Variants in RIMKLA observed in about 807,000 individuals in gnomAD.
RIMKLA encodes the protein N-acetylaspartylglutamate synthase A.
Under a neutral mutation model 32.7 loss-of-function variants are expected in RIMKLA, and 14 were observed. The ratio of observed to expected loss-of-function variants is 0.43; its 90% CI spans 0.28 to 0.67. The LOEUF is 0.67. Among genes scored for constraint, RIMKLA ranks in the 30% least tolerant of loss-of-function variants. The probability of loss-of-function intolerance (pLI) is 0.18; values close to 1 mark genes in which losing one functional copy is unlikely to be tolerated. For synonymous variants in RIMKLA, 176 were observed against 204.1 expected, an observed-to-expected ratio of 0.86 and a Z score of 1.18; for missense variants, 410 against 519.0, an observed-to-expected ratio of 0.79 and a Z score of 2.04.
Position 42,420,367 on chromosome 1 carries a change from T to A in RIMKLA, c.*5393T>A, listed in dbSNP as rs1643285201. 1.3e-5 allele frequency: 2 copies of A among 152,216 alleles called. No individual in the cohort carries two copies. The highest frequency in any genetic ancestry group is 2.9e-5 in the Non-Finnish European group (2 of 68,046). The allele number at this position is 152,216 out of a possible 1,614,324, so 9.4% of individuals were successfully genotyped here. A position where few individuals can be genotyped will look rare whatever the true frequency, so the allele number is the denominator to read the frequency against. On this transcript the variant is annotated 3_prime_UTR_variant, in exon 5 of 5. Coordinates refer to ENST00000431473, the MANE Select transcript of RIMKLA (RefSeq NM_173642.4). ...CAGTGACGTGGGAAGGAATGGCAGA[T>A]GCTACAACAGTGCAGACTCGGCACC...
At chr1:42,413,436 G>A (rs1449462200) in intron 4 of RIMKLA, among the ~76,000 whole-genome samples, 5 of 150,382 alleles carry the variant, frequency 3.3e-5, no homozygotes, top group African/African-American at 4.9e-5. Flanking sequence ...TCCAGGAGGC[G>A]GAGGTTGCAG....
At chr1:42,406,755 T>C (rs56784291) in intron 3 of RIMKLA, among the ~76,000 whole-genome samples, 27,008 of 152,136 alleles carry the variant, frequency 0.18, 2,500 homozygotes, top group East Asian at 0.22. Context: ...ATTGTGGTTT[T>C]GATTTGCATT....
chr1:42,422,271 T>G lies in RIMKLA; in HGVS notation c.*7297T>G, dbSNP rs1444129535. On this transcript the variant is annotated 3_prime_UTR_variant, in exon 5 of 5. Transcript: ENST00000431473. ...CTCTGCTTGTTCTGTCTAACTTCTG[T>G]GATTTCAACACTTGAGAAAGATGTT... 2.0e-5 allele frequency: 3 copies of G among 152,250 alleles called. No homozygotes were observed. The highest frequency in any genetic ancestry group is 7.2e-5 in the African/African-American group (3 of 41,470). 9.4% of individuals were successfully genotyped at this position (152,250 alleles called of 1,614,324 possible).
In RIMKLA at chr1:42,416,194, C is replaced by T. The variant is rs1643247336; in HGVS notation, c.*1220C>T. 6.6e-6 allele frequency: 1 copy of T among 151,378 alleles called. No individual in the cohort carries two copies. The allele number at this position is 151,378 out of a possible 1,614,324, so 9.4% of individuals were successfully genotyped here. ...GAGAAATCACAGAGATGGAGTTTTC[C>T]ATTTCTGCTTATACGAAATATGACT... On this transcript the variant is annotated 3_prime_UTR_variant, in exon 5 of 5. Transcript: ENST00000431473.
chr1:42,408,672 C>T (rs537714793), intron 3 of RIMKLA, among the ~76,000 whole-genome samples: 2 of 152,216 alleles, frequency 1.3e-5, no homozygotes, highest in Admixed American at 1.3e-4. Flanking sequence ...CTGCCCGCCT[C>T]AGCCTCCCAA....
intron 2 of RIMKLA, among the ~76,000 whole-genome samples, chr1:42,404,020 GTC>G (rs1371243145): frequency 2.0e-5 from 3 of 152,106 alleles, no homozygotes; most frequent in African/African-American, 4.8e-5. Context: ...CAGCAGAAGA[GTC>G]TCTCTGATGT....
chr1:42,399,825 A>T lies in RIMKLA; in HGVS notation c.394+191A>T, dbSNP rs150449131. ...TTCCCTTCTGTAAGTTATTCATTAA[A>T]TACATATCTGGTACACACTGTGTGC... On this transcript the variant is annotated intron_variant, in intron 2 of 4. Transcript: ENST00000431473. Among the ~76,000 whole-genome samples, 732 of 152,304 alleles carry T rather than the reference A, an allele frequency of 4.8e-3. 2 individuals are homozygous for T. Among genetic ancestry groups the T allele is most frequent in the African/African-American group, 0.016 (658 of 41,562 alleles).
At chr1:42,411,168 A>G (rs1362417550) in intron 4 of RIMKLA, among the ~76,000 whole-genome samples, 4 of 152,022 alleles carry the variant, frequency 2.6e-5, no homozygotes, top group South Asian at 2.1e-4. Context: ...CATCTCTACA[A>G]ATTTTTTTTT....
At chr1:42,393,696 G>T (rs1214136946) in intron 1 of RIMKLA, among the ~76,000 whole-genome samples, 1 of 152,202 alleles carries the variant, frequency 6.6e-6, no homozygotes, top group Non-Finnish European at 1.5e-5. Flanking sequence ...GGTGGAAACT[G>T]ATGGAGGTGT....
chr1:42,395,643 C>T (rs935732581), intron 1 of RIMKLA, among the ~76,000 whole-genome samples: 1 of 152,096 alleles, frequency 6.6e-6, no homozygotes, highest in African/African-American at 2.4e-5. Context: ...GACTTGAGGT[C>T]CGTAGATTGC....
intron 3 of RIMKLA, 134 bp from the exon 4 acceptor site, chr1:42,409,850 G>A (rs1643181677): frequency 4.2e-6 from 3 of 709,244 alleles, no homozygotes; most frequent in Non-Finnish European, 4.9e-6. Context: ...CAAAAGTCTA[G>A]CAGAGAAATA....
intron 1 of RIMKLA, among the ~76,000 whole-genome samples, chr1:42,389,517 A>G (rs1322439453): frequency 6.6e-6 from 1 of 152,146 alleles, no homozygotes; most frequent in Non-Finnish European, 1.5e-5. Flanking sequence ...GATCATGTCA[A>G]ATGTTGCTGC....
Position 42,421,781 on chromosome 1 carries a change from GATTAT to G in RIMKLA, c.*6812_*6816del, listed in dbSNP as rs1570338827. The G allele has an allele frequency of 6.6e-6, 1 of 152,180 alleles. No individual in the cohort carries two copies. The highest frequency in any genetic ancestry group is 1.5e-5 in the Non-Finnish European group (1 of 68,026). The allele number at this position is 152,180 out of a possible 1,614,324, so 9.4% of individuals were successfully genotyped here. A position where few individuals can be genotyped will look rare whatever the true frequency, so the allele number is the denominator to read the frequency against. On this transcript the variant is annotated 3_prime_UTR_variant, in exon 5 of 5. Coordinates refer to ENST00000431473, the MANE Select transcript of RIMKLA (RefSeq NM_173642.4). This position sits in a 1 kb window ranked among gnomAD's most constrained non-coding sequence, Gnocchi z 4.6. ...AAACACAGCCACAGTGACCATTAGA[GATTAT>G]ATTAACCTGCAATTAAATAAAGTAT...
chr1:42,417,051 C>T lies in RIMKLA; in HGVS notation c.*2077C>T, dbSNP rs1643255089. ...ACGGACAGCTTTAGGTTTGTTCTCA[C>T]TGGAACTGGTTACACTTTCTGTGCA... On this transcript the variant is annotated 3_prime_UTR_variant, in exon 5 of 5. Coordinates refer to ENST00000431473, the MANE Select transcript of RIMKLA (RefSeq NM_173642.4). The T allele has an allele frequency of 6.6e-6, 1 of 152,272 alleles. No individual in the cohort carries two copies. The highest frequency in any genetic ancestry group is 2.1e-4 in the South Asian group (1 of 4,834). 9.4% of individuals were successfully genotyped at this position (152,272 alleles called of 1,614,324 possible).
intron 1 of RIMKLA, among the ~76,000 whole-genome samples, chr1:42,393,593 G>A (rs1402117517): frequency 2.0e-5 from 3 of 151,670 alleles, no homozygotes; most frequent in Non-Finnish European, 4.4e-5. Flanking sequence ...CTTTAAAAGG[G>A]AAGGAGAGGG....
rs999546915 is a variant in RIMKLA at position 42,423,536 on chromosome 1, G to C, written c.*8562G>C. Reference sequence around the variant, plus strand: ...AAGGAAGTACTTTGGAAAGGTTGCTGATGGCTTCCCTACCCTCTTGACGGT... The same window carrying C: ...AAGGAAGTACTTTGGAAAGGTTGCTCATGGCTTCCCTACCCTCTTGACGGT... On this transcript the variant is annotated 3_prime_UTR_variant, in exon 5 of 5. Transcript: ENST00000431473. 2.6e-5 allele frequency among the ~76,000 whole-genome samples: 4 copies of C among 152,194 alleles called. No homozygotes were observed. The highest frequency in any genetic ancestry group is 4.4e-5 in the Non-Finnish European group (3 of 68,038).
At chr1:42,390,889 G>C (rs1642994731) in intron 1 of RIMKLA, among the ~76,000 whole-genome samples, 1 of 152,170 alleles carries the variant, frequency 6.6e-6, no homozygotes, top group Admixed American at 6.6e-5. Context: ...TAAACAATAA[G>C]TGGGTGCAAG....
chr1:42,400,206 A>G (rs1287994980), intron 2 of RIMKLA, among the ~76,000 whole-genome samples: 1 of 151,136 alleles, frequency 6.6e-6, no homozygotes, highest in Non-Finnish European at 1.5e-5. Context: ...TAGTTTGTAG[A>G]ATGTTAAGAG....
intron 1 of RIMKLA, 133 bp downstream of exon 1, chr1:42,381,230 G>A (rs1220461559): frequency 3.3e-6 from 2 of 605,200 alleles, no homozygotes; most frequent in African/African-American, 1.9e-5. Flanking sequence ...CTCTAGCTGC[G>A]AGACTTCTTG....
Sources: allele counts gnomAD v4.1 joint callset (sites outside exome capture counted in the v4.1 genomes callset), GRCh38; gene constraint gnomAD v4.1.1; non-coding constraint Gnocchi (gnomAD v3.1); transcripts MANE v1.5; gene names NCBI Gene and HGNC (gene_info 2026-07-23, HGNC 2026-07-21).